Variants in TRMT9B observed in about 807,000 individuals in gnomAD.
The protein encoded by TRMT9B is tRNA methyltransferase 9B (putative).
A neutral mutation model predicts 11.5 loss-of-function variants in TRMT9B; 16 were observed. That is an observed-to-expected ratio of 1.39 (90% CI 0.94 to 2.11). The LOEUF (loss-of-function observed/expected upper bound fraction) is 2.11. TRMT9B is among the 30% of genes most tolerant of loss of function. The pLI, the probability that TRMT9B is intolerant of heterozygous loss-of-function variation, is 0.00. For missense variants in TRMT9B, 941 were observed against 553.8 expected (o/e 1.70, Z -7.02); for synonymous variants, 274 against 192.4 (o/e 1.42, Z -3.51).
At chr8:12,969,640 T>C (rs954533379) in intron 1 of TRMT9B, among the ~76,000 whole-genome samples, 1 of 152,006 alleles carries the variant, frequency 6.6e-6, no homozygotes, top group Non-Finnish European at 1.5e-5. Flanking sequence ...TATTTTTTCT[T>C]TTTTAAAAAT....
intron 1 of TRMT9B, among the ~76,000 whole-genome samples, chr8:12,954,844 C>T (rs1381476149): frequency 6.6e-6 from 1 of 152,160 alleles, no homozygotes; most frequent in Admixed American, 6.5e-5. Context: ...AACTTCTAAC[C>T]ACTCAAAGAA....
At chr8:13,012,937 C>A (rs940698617) in intron 4 of TRMT9B, 80 bp downstream of exon 4, 2 of 1,486,502 alleles carry the variant, frequency 1.3e-6, no homozygotes, top group Non-Finnish European at 1.8e-6. Context: ...GACTCAACAT[C>A]CGTTCTGTGT....
chr8:12,967,378 A>G (rs1802961198), intron 1 of TRMT9B, among the ~76,000 whole-genome samples: 1 of 152,236 alleles, frequency 6.6e-6, no homozygotes, highest in African/African-American at 2.4e-5. Context: ...TTTCTGAACT[A>G]CTACTACATC....
chr8:13,021,948 G>A lies in TRMT9B; in HGVS notation c.1269G>A (p.Leu423=), dbSNP rs757419684. The A allele has an allele frequency of 6.2e-7, 1 of 1,613,694 alleles. No individual in the cohort carries two copies. Residue 423 remains leucine, a synonymous_variant, in exon 5 of 5, where the codon CTG becomes CTA. Transcript: ENST00000524591. ...TTCGAGAAGGGGAGCTCTGCAGTCT[G>A]CTCAAGGAGAATGTGTCAGAGCTCC... ...HVFREGELCS[L]LKENVSELRI...
At chr8:13,016,174 T>A (rs1426634125) in intron 4 of TRMT9B, among the ~76,000 whole-genome samples, 1 of 84,520 alleles carries the variant, frequency 1.2e-5, no homozygotes, top group Non-Finnish European at 2.4e-5. Context: ...TATATAAACA[T>A]ATATAAATAT....
At position 13,012,731 on chromosome 8, in the gene TRMT9B, G is replaced by A. The variant is rs545539186; in HGVS notation, c.202G>A (p.Val68Met). 7.4e-6 allele frequency: 12 copies of A among 1,613,976 alleles called. No homozygotes were observed. The highest frequency in any genetic ancestry group is 6.6e-5 in the South Asian group (6 of 91,082). The change falls in exon 4 of 5, where the codon GTG becomes ATG. Residue 68 changes from valine to methionine, a missense_variant. Coordinates refer to ENST00000524591, the MANE Select transcript of TRMT9B (RefSeq NM_020844.3). ...TAAAGTGAACAGCCAGGTACATACC[G>A]TGGGCTGTGACTACTGTGGGCCACT... ...YLKVNSQVHT[V>M]GCDYCGPLVE... is the part of the protein sequence containing the mutation.
chr8:13,011,786 G>A, intron 3 of TRMT9B: 1 of 953,124 alleles, frequency 1.0e-6, no homozygotes, highest in East Asian at 1.2e-4. Context: ...GTTGTATACT[G>A]GACCCATAGA....
At position 12,967,121 on chromosome 8, in the gene TRMT9B, G is replaced by A. The variant is rs1802927825; in HGVS notation, c.-200+21155G>A. ...AGCAGAAATGTTTTACAAGTTTCAT[G>A]TCCAAACAAGACATATCTTTAGGAT... is the stretch of plus-strand genomic sequence containing the variant. On this transcript the variant is annotated intron_variant, in intron 1 of 4. Transcript: ENST00000524591. 2.6e-5 allele frequency among the ~76,000 whole-genome samples: 4 copies of A among 152,142 alleles called. No homozygotes were observed. The South Asian group carries it at 8.3e-4, about 31-fold the overall frequency.
At chr8:12,988,088 C>G (rs1806647441) in intron 1 of TRMT9B, among the ~76,000 whole-genome samples, 1 of 152,142 alleles carries the variant, frequency 6.6e-6, no homozygotes, top group African/African-American at 2.4e-5. Context: ...CATTTATTGG[C>G]TTTGTGTCTT....
intron 1 of TRMT9B, among the ~76,000 whole-genome samples, chr8:12,976,458 G>A (rs1250573516): frequency 6.6e-6 from 1 of 151,934 alleles, no homozygotes; most frequent in Admixed American, 6.6e-5. Context: ...ATAGCATATG[G>A]GCCGGGTGCA....
At chr8:12,979,109 C>G (rs1269208338) in intron 1 of TRMT9B, among the ~76,000 whole-genome samples, 1 of 152,160 alleles carries the variant, frequency 6.6e-6, no homozygotes, top group African/African-American at 2.4e-5. Context: ...CTCTCTCCCT[C>G]TTACAGGAAA....
At chr8:12,963,015 G>C (rs1443874967) in intron 1 of TRMT9B, among the ~76,000 whole-genome samples, 1 of 152,166 alleles carries the variant, frequency 6.6e-6, no homozygotes, top group East Asian at 1.9e-4. Flanking sequence ...AGTCCGCTGA[G>C]TATTATGATT....
intron 4 of TRMT9B, among the ~76,000 whole-genome samples, chr8:13,014,764 G>C (rs1449055861): frequency 2.0e-5 from 3 of 152,102 alleles, no homozygotes; most frequent in Non-Finnish European, 4.4e-5. Context: ...AGAAATTGGA[G>C]AAAGGTCAAA....
chr8:13,012,625 A>C, intron 3 of TRMT9B, 59 bp from the exon 4 acceptor site: 1 of 1,518,148 alleles, frequency 6.6e-7, no homozygotes, highest in Non-Finnish European at 8.9e-7. Context: ...TATGAGACAA[A>C]TGAAGTATTT....
At chr8:12,969,069 C>T (rs1333382973) in intron 1 of TRMT9B, among the ~76,000 whole-genome samples, 1 of 152,096 alleles carries the variant, frequency 6.6e-6, no homozygotes, top group Non-Finnish European at 1.5e-5. Flanking sequence ...AAATATTGGC[C>T]GGGCGTGGTA....
chr8:13,021,208 A>T lies in TRMT9B; in HGVS notation c.529A>T (p.Arg177Trp), dbSNP rs760632152. The T allele has an allele frequency of 1.2e-6, 2 of 1,613,784 alleles. No homozygotes were observed. The highest frequency in any genetic ancestry group is 1.7e-6 in the Non-Finnish European group (2 of 1,179,786). Residue 177 changes from arginine (R) to tryptophan (W), a missense_variant, in exon 5 of 5, where the codon AGG becomes TGG. Coordinates refer to ENST00000524591, the MANE Select transcript of TRMT9B (RefSeq NM_020844.3). Reference sequence around the variant, plus strand: ...CTTCTCAGAGTCCAGCCAGTCTGGGAGGAAGAGGCAGTGTGGATACCCAGA... The same window carrying T: ...CTTCTCAGAGTCCAGCCAGTCTGGGTGGAAGAGGCAGTGTGGATACCCAGA... ...QLFSESSQSGRKRQCGYPERG... is the reference protein window; with the variant it reads ...QLFSESSQSGWKRQCGYPERG...
intron 2 of TRMT9B, among the ~76,000 whole-genome samples, chr8:12,992,493 T>C (rs1807538391): frequency 6.6e-6 from 1 of 151,908 alleles, no homozygotes; most frequent in Admixed American, 6.6e-5. Context: ...TTGGGCATAT[T>C]GTCTCTGTGG....
chr8:12,959,088 A>G (rs1801697620), intron 1 of TRMT9B, among the ~76,000 whole-genome samples: 1 of 152,000 alleles, frequency 6.6e-6, no homozygotes, highest in African/African-American at 2.4e-5. Context: ...AACTTAAAGT[A>G]TAATAATAAT....
Position 13,025,624 on chromosome 8 carries a change from A to G in TRMT9B, c.*3580A>G, listed in dbSNP as rs975373563. ...GAAAGCGCATTAACATGGACAAAGG[A>G]TGGAATCAAAATAATGTTATAGTGA... On this transcript the variant is annotated 3_prime_UTR_variant, in exon 5 of 5. Coordinates refer to ENST00000524591, the MANE Select transcript of TRMT9B (RefSeq NM_020844.3). The G allele has an allele frequency of 3.6e-5, 6 of 167,228 alleles. No homozygotes were observed. The highest frequency in any genetic ancestry group is 1.4e-4 in the African/African-American group (6 of 41,588). The allele number at this position is 167,228 out of a possible 1,614,324, so 10.4% of individuals were successfully genotyped here. A position where few individuals can be genotyped will look rare whatever the true frequency, so the allele number is the denominator to read the frequency against.
Sources: gnomAD v4.1 joint callset for allele counts (sites outside exome capture counted in the v4.1 genomes callset) on GRCh38, gnomAD v4.1.1 for gene constraint, MANE v1.5 for transcripts, NCBI Gene and HGNC (gene_info 2026-07-23, HGNC 2026-07-21) for gene names.